The following GRK4 variants were observed in gnomAD, a reference collection of about 807,000 sequenced individuals.
The protein encoded by GRK4 is G protein-coupled receptor kinase 2-like.
Under a neutral mutation model 77.9 loss-of-function variants are expected in GRK4, and 73 were observed. The ratio of observed to expected loss-of-function variants is 0.94; its 90% confidence interval spans 0.78 to 1.14. GRK4 has a LOEUF of 1.14. GRK4 is among the 50% of genes most tolerant of loss of function. The pLI is 0.00. For synonymous variants in GRK4, 257 were observed against 254.4 expected (o/e 1.01, Z -0.10); for missense variants, 729 against 700.2 (o/e 1.04, Z -0.46).
At chr4:3,020,733 T>C (rs1407430377) in intron 9 of GRK4, among the ~76,000 whole-genome samples, 1 of 152,110 alleles carries the variant, frequency 6.6e-6, no homozygotes, top group African/African-American at 2.4e-5. Flanking sequence ...GGGTTCCATG[T>C]TGTAGATTCA....
At chr4:3,015,685 A>G (rs1318109152) in intron 8 of GRK4, among the ~76,000 whole-genome samples, 1 of 151,936 alleles carries the variant, frequency 6.6e-6, no homozygotes, top group Non-Finnish European at 1.5e-5. Context: ...AAAAAAAAAA[A>G]AAAAAATAGC....
chr4:3,038,622 A>C (rs547683258), intron 15 of GRK4, 109 bp downstream of exon 15: 1 of 1,234,806 alleles, frequency 8.1e-7, no homozygotes, highest in Non-Finnish European at 1.1e-6. Context: ...TGGCTCCTAC[A>C]GGCAGTTTTA....
chr4:3,015,220 C>T (rs557481897), intron 8 of GRK4, among the ~76,000 whole-genome samples: 117 of 152,282 alleles, frequency 7.7e-4, no homozygotes, highest in Non-Finnish European at 3.4e-4. Flanking sequence ...GTAGCAGCTA[C>T]TGAAGTATGA....
Position 2,972,043 on chromosome 4 carries a change from C to T in GRK4, c.52+7921C>T, listed in dbSNP as rs996574463. ...CTGGGGAATAGAACTCTAACATAAA[C>T]GTTTTTTAGGATGGGACGAATTCAA... On this transcript the variant is annotated intron_variant, in intron 1 of 15. Transcript: ENST00000398052. Among the ~76,000 whole-genome samples, 8 of 152,292 alleles carry T rather than the reference C, an allele frequency of 5.3e-5. No homozygotes were observed. In the East Asian group the frequency reaches 1.5e-3, roughly 29 times the overall value.
chr4:3,022,113 T>A (rs1419044), intron 9 of GRK4, among the ~76,000 whole-genome samples: 69,341 of 152,064 alleles, frequency 0.46, 16,928 homozygotes, highest in African/African-American at 0.61. Flanking sequence ...AGAGAAATTG[T>A]GCCACGTTCA....
chr4:2,971,496 A>T (rs1223149107), intron 1 of GRK4, among the ~76,000 whole-genome samples: 1 of 152,208 alleles, frequency 6.6e-6, no homozygotes, highest in African/African-American at 2.4e-5. Context: ...ATGAATAAGG[A>T]TGAGGAAATG....
At position 3,027,864 on chromosome 4, in the gene GRK4, G is replaced by T. The variant is rs369413745; in HGVS notation, c.971-48G>T. The stretch of plus-strand genomic sequence containing the variant: ...TTCCCATTTTAATTGTTGTTACGGT[G>T]TCATTACTTCCCCCGTGACCTGTGT... On this transcript the variant is annotated intron_variant, in intron 10 of 15. Coordinates refer to ENST00000398052, the MANE Select transcript of GRK4 (RefSeq NM_182982.3). 4.2e-4 allele frequency: 638 copies of T among 1,505,196 alleles called. 6 individuals carry two copies. In the South Asian group the frequency reaches 4.7e-3, roughly 11 times the overall value. 93.2% of individuals were successfully genotyped at this position (1,505,196 alleles called of 1,614,324 possible).
chr4:3,038,291 GGGCAGGAGCTGCT>G, intron 14 of GRK4, 72 bp from the exon 15 acceptor site: 1 of 1,552,990 alleles, frequency 6.4e-7, no homozygotes, highest in Non-Finnish European at 8.8e-7. Context: ...GCACGGGGCT[GGGCAGGAGCTGCT>G]GGCACTGGGA....
intron 13 of GRK4, 99 bp downstream of exon 13, chr4:3,035,622 C>G (rs1366046206): frequency 7.4e-7 from 1 of 1,354,836 alleles, no homozygotes; most frequent in Non-Finnish European, 1.0e-6. Flanking sequence ...GGGGGTCTCA[C>G]TGTGTTGCCC....
At chr4:2,985,169 T>C (rs930558243) in intron 2 of GRK4, among the ~76,000 whole-genome samples, 4 of 151,408 alleles carry the variant, frequency 2.6e-5, no homozygotes, top group South Asian at 2.1e-4. Flanking sequence ...TCCCGGCACT[T>C]TGGGAGGCCG....
chr4:2,996,082 TC>T (rs996364366), intron 4 of GRK4, among the ~76,000 whole-genome samples: 3 of 151,700 alleles, frequency 2.0e-5, no homozygotes, highest in African/African-American at 7.3e-5. Context: ...TTTTTTTTTT[TC>T]CCCCTTCTTA....
chr4:2,985,731 G>T, intron 2 of GRK4: 1 of 325,422 alleles, frequency 3.1e-6, no homozygotes, highest in African/African-American at 2.3e-5. Context: ...GGGTGTGGTG[G>T]CTCACGCCCG....
intron 4 of GRK4, among the ~76,000 whole-genome samples, chr4:3,002,252 G>C (rs1358185010): frequency 6.6e-6 from 1 of 152,130 alleles, no homozygotes; most frequent in Non-Finnish European, 1.5e-5. Flanking sequence ...TACACCGGGA[G>C]ACCGTGCAGT....
intron 8 of GRK4, 134 bp from the exon 9 acceptor site, chr4:3,019,507 C>A (rs918914565): frequency 1.5e-5 from 12 of 788,086 alleles, no homozygotes; most frequent in Admixed American, 2.8e-5. Context: ...CTGTACATTT[C>A]TCTGAAACAT....
chr4:3,030,585 G>A (rs1738864879), intron 12 of GRK4, among the ~76,000 whole-genome samples: 1 of 152,180 alleles, frequency 6.6e-6, no homozygotes, highest in South Asian at 2.1e-4. Flanking sequence ...CGTGTGGGCT[G>A]TGGGGAGGAC....
chr4:3,010,812 G>T (rs1000820267), intron 7 of GRK4, among the ~76,000 whole-genome samples: 2 of 152,152 alleles, frequency 1.3e-5, no homozygotes, highest in African/African-American at 4.8e-5. Flanking sequence ...CACTAGCATT[G>T]CCTTGAAGTT....
intron 2 of GRK4, 34 bp from the exon 3 acceptor site, chr4:2,988,693 A>G (rs770235170): frequency 3.8e-5 from 43 of 1,142,670 alleles, no homozygotes; most frequent in Non-Finnish European, 4.8e-5. Context: ...TAATGATTCT[A>G]TTTGTTTGCT....
intron 4 of GRK4, among the ~76,000 whole-genome samples, chr4:3,000,740 T>C (rs970433097): frequency 1.1e-4 from 17 of 151,962 alleles, no homozygotes; most frequent in African/African-American, 4.1e-4. Flanking sequence ...AATTTTTTTT[T>C]TGTATTTTTA....
chr4:3,007,880 G>A (rs372896997), intron 6 of GRK4, 52 bp downstream of exon 6: 12 of 1,230,026 alleles, frequency 9.8e-6, no homozygotes, highest in Admixed American at 1.8e-5. Flanking sequence ...GCACATGCCT[G>A]TAGTCCCAGC....
Sources: allele counts gnomAD v4.1 joint callset (sites outside exome capture counted in the v4.1 genomes callset), GRCh38; gene constraint gnomAD v4.1.1; transcripts MANE v1.5; gene names NCBI Gene and HGNC (gene_info 2026-07-23, HGNC 2026-07-21).